DNM3: variants seen among roughly 807,000 people sequenced by gnomAD.
DNM3 encodes dynamin-3.
A neutral mutation model predicts 101.6 loss-of-function variants in DNM3; 47 were observed. The ratio of observed to expected loss-of-function variants is 0.46; its 90% CI spans 0.37 to 0.59. DNM3 has a LOEUF of 0.59. DNM3 is among the 20% of genes least tolerant of loss of function. DNM3 has a pLI of 0.00. For missense variants in DNM3, 849 were observed against 1,085.7 expected (o/e 0.78, Z 3.06); for synonymous variants, 385 against 387.9 (o/e 0.99, Z 0.09).
At chr1:172,349,872 T>C (rs573135605) in intron 17 of DNM3, among the ~76,000 whole-genome samples, 1 of 152,262 alleles carries the variant, frequency 6.6e-6, no homozygotes, top group South Asian at 2.1e-4. Context: ...ATTTATACAA[T>C]GATATGTGAA....
At chr1:171,874,980 T>A (rs554656507) in intron 1 of DNM3, among the ~76,000 whole-genome samples, 46 of 152,064 alleles carry the variant, frequency 3.0e-4, no homozygotes, top group Non-Finnish European at 5.4e-4. Flanking sequence ...TCTGTCCATG[T>A]TGCTGCAAAG....
At chr1:172,018,403 TTTGCTATATACATTTACA>T (rs2047596477) in intron 4 of DNM3, among the ~76,000 whole-genome samples, 1 of 152,180 alleles carries the variant, frequency 6.6e-6, no homozygotes, top group African/African-American at 2.4e-5. Flanking sequence ...TGCTCTAGAA[TTTGCTATATACATTTACA>T]ACAATTCATG....
intron 1 of DNM3, among the ~76,000 whole-genome samples, chr1:171,877,133 T>C (rs2035855904): frequency 6.6e-6 from 1 of 152,216 alleles, no homozygotes; most frequent in African/African-American, 2.4e-5. Context: ...TTTGTTTTGC[T>C]TTAGGATACG....
intron 2 of DNM3, among the ~76,000 whole-genome samples, chr1:171,966,090 A>G (rs987836516): frequency 6.6e-6 from 1 of 152,222 alleles, no homozygotes; most frequent in African/African-American, 2.4e-5. Flanking sequence ...CACTTGGTCC[A>G]TAGAGATACT....
chr1:171,998,660 A>G (rs2046167741), intron 4 of DNM3, among the ~76,000 whole-genome samples: 2 of 152,132 alleles, frequency 1.3e-5, no homozygotes, highest in South Asian at 4.1e-4. Context: ...AAAACCCATT[A>G]GTATAATGTC....
intron 4 of DNM3, among the ~76,000 whole-genome samples, chr1:172,031,616 C>T (rs1230109689): frequency 1.3e-5 from 2 of 152,126 alleles, no homozygotes; most frequent in Non-Finnish European, 2.9e-5. Flanking sequence ...TCCATTTCAT[C>T]TAATGAAGAA....
rs373865520 is a variant in DNM3, at chr1:172,002,122, A to G, written c.589+12974A>G. On this transcript the variant is annotated intron_variant, in intron 4 of 20. Transcript: ENST00000627582. ...TGTTCTTCACCCCAATTAGATTTCC[A>G]TTTTACCTTAAAATTCTTTGCTTAT... 1.3e-4 allele frequency among the ~76,000 whole-genome samples: 20 copies of G among 152,196 alleles called. 1 individual carries two copies. The South Asian group carries it at 2.1e-3, about 16-fold the overall frequency.
intron 11 of DNM3, 99 bp downstream of exon 11, chr1:172,069,004 A>T: frequency 2.1e-6 from 2 of 970,490 alleles, no homozygotes; most frequent in Non-Finnish European, 3.1e-6. Context: ...TGTCGCTTAA[A>T]GGAAAAAAAA....
At chr1:171,925,452 A>C (rs6681480) in intron 2 of DNM3, among the ~76,000 whole-genome samples, 1 of 151,456 alleles carries the variant, frequency 6.6e-6, no homozygotes, top group Admixed American at 6.6e-5. Context: ...GGATGGTCTC[A>C]ATCTCCTGAC....
At chr1:171,883,302 G>A (rs2036449519) in intron 1 of DNM3, among the ~76,000 whole-genome samples, 1 of 151,086 alleles carries the variant, frequency 6.6e-6, no homozygotes, top group African/African-American at 2.4e-5. Context: ...TTTAATGCTA[G>A]AGGTTTGAGA....
chr1:172,173,088 G>C (rs891325888), intron 14 of DNM3, among the ~76,000 whole-genome samples: 6 of 151,792 alleles, frequency 4.0e-5, no homozygotes, highest in South Asian at 2.1e-4. Context: ...TTCTGGTAGA[G>C]GTGTGAAGGA....
intron 10 of DNM3, among the ~76,000 whole-genome samples, chr1:172,056,099 C>T (rs541136275): frequency 1.1e-4 from 16 of 152,158 alleles, no homozygotes; most frequent in Non-Finnish European, 1.6e-4. Flanking sequence ...CCTGGAAAAT[C>T]GGGTCACTCC....
chr1:172,252,434 A>G lies in DNM3; in HGVS notation c.1660-1139A>G, dbSNP rs115012399. Among the ~76,000 whole-genome samples the G allele has an allele frequency of 4.1e-3, 631 of 152,300 alleles. 11 individuals carry two copies. Among genetic ancestry groups the G allele is most frequent in the African/African-American group, 0.014 (594 of 41,592 alleles). ...CTACAAATTCTTAAGGAAGTAGTCTATATGCTGTAGGAACAAAAGGATTTA... is the reference window on the plus strand; with the variant it reads ...CTACAAATTCTTAAGGAAGTAGTCTGTATGCTGTAGGAACAAAAGGATTTA... On this transcript the variant is annotated intron_variant, in intron 14 of 20. Transcript: ENST00000627582.
chr1:172,060,179 G>A (rs954919163), intron 10 of DNM3, among the ~76,000 whole-genome samples: 10 of 138,746 alleles, frequency 7.2e-5, no homozygotes, highest in Non-Finnish European at 1.1e-4. Context: ...ACAAACCACT[G>A]CTCAAGGAAA....
chr1:172,056,468 G>A (rs994277448), intron 10 of DNM3, among the ~76,000 whole-genome samples: 1 of 152,172 alleles, frequency 6.6e-6, no homozygotes, highest in African/African-American at 2.4e-5. Flanking sequence ...AGAGAGCAGT[G>A]GTTCTTCCAG....
At chr1:172,385,793 T>C (rs1048738110) in intron 18 of DNM3, among the ~76,000 whole-genome samples, 3 of 152,236 alleles carry the variant, frequency 2.0e-5, no homozygotes, top group Non-Finnish European at 2.9e-5. Context: ...CTTAAAGATA[T>C]TCATGAGTCT....
intron 17 of DNM3, among the ~76,000 whole-genome samples, chr1:172,364,405 G>C (rs77105431): frequency 2.3e-4 from 35 of 151,828 alleles, no homozygotes; most frequent in Non-Finnish European, 4.0e-4. Context: ...AGTAATTATT[G>C]AGCCTCCAGA....
chr1:172,299,051 T>C (rs2757495), intron 15 of DNM3, among the ~76,000 whole-genome samples: 42,524 of 151,970 alleles, frequency 0.28, 6,046 homozygotes, highest in East Asian at 0.31. Context: ...TGATGCCTGA[T>C]GAAGTGATGA....
chr1:172,173,209 C>G (rs1275694691), intron 14 of DNM3, among the ~76,000 whole-genome samples: 1 of 151,576 alleles, frequency 6.6e-6, no homozygotes, highest in Non-Finnish European at 1.5e-5. Context: ...AGATGGAGAG[C>G]CAGGGATGGA....
Sources: allele counts gnomAD v4.1 joint callset (sites outside exome capture counted in the v4.1 genomes callset), GRCh38; gene constraint gnomAD v4.1.1; transcripts MANE v1.5; gene names NCBI Gene and HGNC (gene_info 2026-07-23, HGNC 2026-07-21).